PITHD1: variants seen among roughly 807,000 people sequenced by gnomAD.
PITHD1 encodes the protein PITH domain containing 1, also known as PITH domain-containing protein 1.
Under a neutral mutation model 27.5 loss-of-function variants are expected in PITHD1, and 8 were observed. The observed-to-expected ratio is 0.29, with a 90% CI of 0.17 to 0.52. The LOEUF (loss-of-function observed/expected upper bound fraction) is 0.52, where lower values mean the gene tolerates loss of function less well. Ranked by LOEUF, PITHD1 falls within the 20% of genes least tolerant of loss-of-function variation. PITHD1 has a pLI of 0.96. For synonymous variants in PITHD1, 118 were observed against 106.8 expected, an observed-to-expected ratio of 1.10 and a Z score of -0.64; for missense variants, 233 against 283.9, an observed-to-expected ratio of 0.82 and a Z score of 1.29.
intron 3 of PITHD1, among the ~76,000 whole-genome samples, chr1:23,783,411 A>G (rs748189906): frequency 2.8e-5 from 4 of 142,002 alleles, no homozygotes; most frequent in African/African-American, 5.2e-5. Context: ...ATATATACAC[A>G]TATATATGCG....
chr1:23,781,064 T>G (rs1638589628), intron 3 of PITHD1, among the ~76,000 whole-genome samples: 2 of 152,024 alleles, frequency 1.3e-5, no homozygotes, highest in Non-Finnish European at 2.9e-5. Flanking sequence ...GGCACACGCC[T>G]GTAATCCCAG....
chr1:23,783,295 A>ATACACATATATG (rs1638629821), intron 3 of PITHD1, among the ~76,000 whole-genome samples: 1 of 144,368 alleles, frequency 6.9e-6, no homozygotes, highest in Non-Finnish European at 1.5e-5. Context: ...GTATATATAT[A>ATACACATATATG]TGTATATCTA....
In PITHD1 at chr1:23,787,480, G is replaced by T. The variant is rs974330541; in HGVS notation, c.*104G>T. 1.5e-6 allele frequency: 1 copy of T among 675,538 alleles called. No homozygotes were observed. Among genetic ancestry groups the T allele is most frequent in the Non-Finnish European group, 2.6e-6 (1 of 379,566 alleles). The allele number at this position is 675,538 out of a possible 1,614,324, so 41.8% of individuals were successfully genotyped here. ...GCTCCAGAGAGAGTTGGCTGCCACAGCCTCTGCCAAGCTTTGTCTTTGGGG... is the reference window on the plus strand; with the variant it reads ...GCTCCAGAGAGAGTTGGCTGCCACATCCTCTGCCAAGCTTTGTCTTTGGGG... On this transcript the variant is annotated 3_prime_UTR_variant, in exon 6 of 6. Transcript: ENST00000246151.
intron 3 of PITHD1, among the ~76,000 whole-genome samples, chr1:23,782,270 T>A: frequency 6.6e-6 from 1 of 151,962 alleles, no homozygotes; most frequent in Non-Finnish European, 1.5e-5. Flanking sequence ...AACACAAGAA[T>A]TAGCCAGTCA....
At chr1:23,780,583 A>G (rs1638581711) in intron 3 of PITHD1, among the ~76,000 whole-genome samples, 1 of 152,304 alleles carries the variant, frequency 6.6e-6, no homozygotes, top group South Asian at 2.1e-4. Context: ...CACAAAACCA[A>G]TAAAAGATGA....
chr1:23,779,561 A>G lies in PITHD1; in HGVS notation c.242+80A>G, dbSNP rs576845038. 2.1e-4 allele frequency: 225 copies of G among 1,067,276 alleles called. 1 individual carries two copies. Among genetic ancestry groups the G allele is most frequent in the South Asian group, 1.4e-3 (110 of 78,896 alleles). The allele number at this position is 1,067,276 out of a possible 1,614,324, so 66.1% of individuals were successfully genotyped here. A position where few individuals can be genotyped will look rare whatever the true frequency, so the allele number is the denominator to read the frequency against. Reference sequence around the variant, plus strand: ...CAGATGGATTCATTCACTGGTGTCAAGAGCACACATTTGCTTCTAGAAATG... The same window carrying G: ...CAGATGGATTCATTCACTGGTGTCAGGAGCACACATTTGCTTCTAGAAATG... On this transcript the variant is annotated intron_variant, in intron 2 of 5. Transcript: ENST00000246151.
intron 3 of PITHD1, among the ~76,000 whole-genome samples, chr1:23,780,297 C>T (rs1463741812): frequency 6.6e-6 from 1 of 152,078 alleles, no homozygotes; most frequent in Non-Finnish European, 1.5e-5. Context: ...TTAGCTTCAA[C>T]ATTTTTCCTT....
At chr1:23,780,933 G>C (rs545830250) in intron 3 of PITHD1, among the ~76,000 whole-genome samples, 2 of 151,998 alleles carry the variant, frequency 1.3e-5, no homozygotes, top group East Asian at 3.9e-4. Context: ...CGAGCATGGT[G>C]GTTCACACCT....
chr1:23,780,143 C>A (rs183740873), intron 3 of PITHD1, among the ~76,000 whole-genome samples: 11 of 152,274 alleles, frequency 7.2e-5, no homozygotes, highest in Admixed American at 3.3e-4. Flanking sequence ...CATCTTTAGG[C>A]CCAACAGCGT....
intron 2 of PITHD1, 59 bp downstream of exon 2, chr1:23,779,540 T>G: frequency 7.9e-7 from 1 of 1,270,186 alleles, no homozygotes; most frequent in Non-Finnish European, 1.2e-6. Flanking sequence ...TTGCCTCAGA[T>G]GGATTCATTC....
At chr1:23,783,060 G>A (rs912365902) in intron 3 of PITHD1, among the ~76,000 whole-genome samples, 2 of 151,484 alleles carry the variant, frequency 1.3e-5, no homozygotes, top group Non-Finnish European at 2.9e-5. Context: ...GCAGTGGCGC[G>A]ATCTCGGCTC....
At chr1:23,784,741 C>G (rs1557467858) in intron 3 of PITHD1, among the ~76,000 whole-genome samples, 1 of 151,894 alleles carries the variant, frequency 6.6e-6, no homozygotes, top group African/African-American at 2.4e-5. Context: ...TATTCTGAGA[C>G]AGAGTCTCTC....
At chr1:23,783,737 G>A (rs1638643742) in intron 3 of PITHD1, among the ~76,000 whole-genome samples, 1 of 152,030 alleles carries the variant, frequency 6.6e-6, no homozygotes, top group Non-Finnish European at 1.5e-5. Context: ...TTACAGGCGT[G>A]AGCCACCACG....
intron 1 of PITHD1, 73 bp downstream of exon 1, chr1:23,778,786 C>A: frequency 3.3e-6 from 3 of 909,298 alleles, no homozygotes; most frequent in South Asian, 4.9e-5. Flanking sequence ...CTACTCATTT[C>A]TGATGTTAAG....
intron 3 of PITHD1, among the ~76,000 whole-genome samples, chr1:23,784,183 T>C (rs1179079646): frequency 1.3e-5 from 2 of 152,082 alleles, no homozygotes; most frequent in Admixed American, 1.3e-4. Flanking sequence ...CTATTATTAT[T>C]ATTCTGTGGT....
chr1:23,779,840 A>C lies in PITHD1; in HGVS notation c.243-24A>C, dbSNP rs1557465439. The C allele has an allele frequency of 2.5e-6, 4 of 1,595,398 alleles. No individual in the cohort carries two copies. The East Asian group carries it at 8.9e-5, about 36-fold the overall frequency. On this transcript the variant is annotated intron_variant, in intron 2 of 5. Coordinates refer to ENST00000246151, the MANE Select transcript of PITHD1 (RefSeq NM_020362.5). Reference sequence around the variant, plus strand: ...CAGGTATTCAAACTCAGGTTTGACAACCTTCTCTTTTGCATTCTGGCAGAT... The same window carrying C: ...CAGGTATTCAAACTCAGGTTTGACACCCTTCTCTTTTGCATTCTGGCAGAT...
intron 3 of PITHD1, among the ~76,000 whole-genome samples, chr1:23,784,241 T>TC (rs1638651724): frequency 7.3e-6 from 1 of 137,768 alleles, no homozygotes; most frequent in African/African-American, 2.7e-5. Flanking sequence ...TTTCTTTTTT[T>TC]TTTTTTTTTT....
intron 3 of PITHD1, among the ~76,000 whole-genome samples, chr1:23,783,554 C>G (rs1384757186): frequency 6.6e-6 from 1 of 151,392 alleles, no homozygotes; most frequent in African/African-American, 2.4e-5. Flanking sequence ...TGGGGTCAAG[C>G]GATTCTCTTG....
chr1:23,786,308 C>T lies in PITHD1; in HGVS notation c.426-7C>T, dbSNP rs1414475942. 3 of 1,308,994 alleles carry T rather than the reference C, an allele frequency of 2.3e-6. No homozygotes were observed. The highest frequency in any genetic ancestry group is 3.3e-6 in the Non-Finnish European group (3 of 909,290). 81.1% of individuals were successfully genotyped at this position (1,308,994 alleles called of 1,614,324 possible). On this transcript the variant is annotated splice_region_variant and splice_polypyrimidine_tract_variant and intron_variant, in intron 4 of 5. Coordinates refer to ENST00000246151, the MANE Select transcript of PITHD1 (RefSeq NM_020362.5). ...TACCTTCTTTCCCTATTCCTGTCAT[C>T]CTCTAGAATTTCTCGTTTTTCAAAT... is the stretch of plus-strand genomic sequence containing the variant.
Sources: gnomAD v4.1 joint callset for allele counts (sites outside exome capture counted in the v4.1 genomes callset) on GRCh38, gnomAD v4.1.1 for gene constraint, MANE v1.5 for transcripts, NCBI Gene and HGNC (gene_info 2026-07-23, HGNC 2026-07-21) for gene names.